RHBDL3: variants seen among roughly 807,000 people sequenced by gnomAD.
RHBDL3 encodes rhomboid-related protein 3.
Under a neutral mutation model 48.2 loss-of-function variants are expected in RHBDL3, and 28 were observed. The ratio of observed to expected loss-of-function variants is 0.58; its 90% confidence interval spans 0.43 to 0.80. The LOEUF (loss-of-function observed/expected upper bound fraction) is 0.80. Among genes scored for constraint, RHBDL3 ranks in the 30% least tolerant of loss-of-function variants. The pLI, the probability that RHBDL3 is intolerant of heterozygous loss-of-function variation, is 0.00. For missense variants in RHBDL3, 464 were observed against 542.7 expected (o/e 0.85, Z 1.44); for synonymous variants, 208 against 232.3 (o/e 0.90, Z 0.95).
chr17:32,273,444 T>A (rs2039823084), intron 2 of RHBDL3, among the ~76,000 whole-genome samples: 1 of 152,208 alleles, frequency 6.6e-6, no homozygotes, highest in Admixed American at 6.5e-5. Context: ...TTCACTTAGT[T>A]GGTGCCTTGA....
At chr17:32,276,795 CCTT>C (rs1567763643) in intron 2 of RHBDL3, among the ~76,000 whole-genome samples, 4 of 101,826 alleles carry the variant, frequency 3.9e-5, no homozygotes, top group African/African-American at 3.0e-4. Context: ...GGCCCTAGCA[CCTT>C]ACTCCGGCCC....
At position 32,305,409 on chromosome 17, in the gene RHBDL3, C is replaced by G. The variant is rs1414539822; in HGVS notation, c.850C>G (p.Leu284Val). The G allele has an allele frequency of 1.1e-5, 18 of 1,613,350 alleles. No homozygotes were observed. Among genetic ancestry groups the G allele is most frequent in the Non-Finnish European group, 1.5e-5 (18 of 1,179,444 alleles). Residue 284 changes from leucine (L) to valine (V), a missense_variant, in exon 7 of 9, where the codon CTC becomes GTC. Physicochemically the swap from Leu to Val is conservative, Grantham distance 32. Coordinates refer to ENST00000269051, the MANE Select transcript of RHBDL3 (RefSeq NM_138328.3). ...VVGSSGGVYA[L>V]VSAHLANIVM... ...GGGCTCTTCTGGAGGGGTGTATGCT[C>G]TCGTCTCTGCCCATCTGGCCAACAT...
intron 6 of RHBDL3, among the ~76,000 whole-genome samples, chr17:32,303,779 G>C (rs1283328024): frequency 6.6e-6 from 1 of 152,130 alleles, no homozygotes; most frequent in Non-Finnish European, 1.5e-5. Context: ...AGGTGGAGGA[G>C]TTTATCAGGG....
chr17:32,320,783 C>T (rs150983934), intron 8 of RHBDL3, among the ~76,000 whole-genome samples, 175 bp from the exon 9 acceptor site: 126 of 152,318 alleles, frequency 8.3e-4, no homozygotes, highest in Admixed American at 2.2e-3. Context: ...ATTGCTAGAC[C>T]CTGTAAGCTC....
intron 4 of RHBDL3, among the ~76,000 whole-genome samples, chr17:32,292,061 T>C (rs1210790175): frequency 6.6e-6 from 1 of 152,074 alleles, no homozygotes; most frequent in Admixed American, 6.5e-5. Flanking sequence ...TGAGCCACTG[T>C]GCCCAGCCCA....
In RHBDL3 at chr17:32,321,146, T is replaced by C; in HGVS notation, c.1132T>C (p.Tyr378His). ...QSLWWIFVAM[Y>H]TVFVLFAVFW... is the part of the protein sequence containing the mutation. ...ACTGTGGTGGATTTTTGTGGCCATGTACACCGTCTTCGTGCTGTTCGCTGT... is the reference window on the plus strand; with the variant it reads ...ACTGTGGTGGATTTTTGTGGCCATGCACACCGTCTTCGTGCTGTTCGCTGT... The change falls in exon 9 of 9, where the codon TAC (tyrosine) becomes CAC (histidine). Residue 378 changes from tyrosine to histidine, a missense_variant. Physicochemically the swap from Tyr to His is moderately conservative, Grantham distance 83. Transcript: ENST00000269051. The C allele has an allele frequency of 6.2e-7, 1 of 1,614,240 alleles. No homozygotes were observed. Among genetic ancestry groups the C allele is most frequent in the Non-Finnish European group, 8.5e-7 (1 of 1,180,026 alleles).
chr17:32,297,652 C>CTTT (rs71362824), intron 5 of RHBDL3, among the ~76,000 whole-genome samples: 10 of 50,938 alleles, frequency 2.0e-4, no homozygotes, highest in Non-Finnish European at 2.3e-4. Flanking sequence ...GTTGCTGGAT[C>CTTT]TTTTTTTTTT....
chr17:32,311,575 C>A (rs1488839080), intron 7 of RHBDL3, among the ~76,000 whole-genome samples: 1 of 152,198 alleles, frequency 6.6e-6, no homozygotes, highest in Admixed American at 6.5e-5. Context: ...CCTCCTGAAT[C>A]CTCAGTTTCT....
Position 32,284,768 on chromosome 17 carries a change from C to G in RHBDL3, c.245C>G (p.Ala82Gly). 1 of 1,614,020 alleles carries G rather than the reference C, an allele frequency of 6.2e-7. No homozygotes were observed. The highest frequency in any genetic ancestry group is 8.5e-7 in the Non-Finnish European group (1 of 1,179,974). The change falls in exon 3 of 9, where the codon GCC becomes GGC. Residue 82 changes from alanine (A) to glycine (G), a missense_variant. Ala to Gly is a moderately conservative substitution (Grantham distance 60, BLOSUM62 0). Coordinates refer to ENST00000269051, the MANE Select transcript of RHBDL3 (RefSeq NM_138328.3). ...PHKREVLLAL[A>G]DSHADGQIGY... is the part of the protein sequence containing the mutation. ...AAAAGGGAGGTCCTCCTGGCTCTTG[C>G]CGACAGCCACGCGGATGGGCAGATC...
chr17:32,290,496 G>A (rs1475372640), intron 4 of RHBDL3, among the ~76,000 whole-genome samples: 7 of 152,236 alleles, frequency 4.6e-5, no homozygotes, highest in Admixed American at 3.9e-4. Context: ...TAACGATCTC[G>A]AAGCCCTGGG....
intron 5 of RHBDL3, among the ~76,000 whole-genome samples, chr17:32,296,775 T>A (rs984673156): frequency 2.1e-5 from 3 of 141,092 alleles, no homozygotes; most frequent in Non-Finnish European, 4.6e-5. Flanking sequence ...CCGTAGCTCT[T>A]TTTTATTTTA....
intron 6 of RHBDL3, among the ~76,000 whole-genome samples, chr17:32,299,962 G>A (rs79250669): frequency 2.6e-5 from 4 of 152,162 alleles, no homozygotes; most frequent in South Asian, 4.1e-4. Context: ...GAGGTGAGCC[G>A]GTTTACAGCC....
At chr17:32,284,863 G>A (rs2040157157) in intron 3 of RHBDL3, 46 bp downstream of exon 3, 2 of 1,539,312 alleles carry the variant, frequency 1.3e-6, no homozygotes, top group African/African-American at 1.4e-5. Context: ...CTGTTTGAGG[G>A]TTATGGCTTC....
chr17:32,277,396 A>G (rs2039939530), intron 2 of RHBDL3, among the ~76,000 whole-genome samples: 1 of 152,180 alleles, frequency 6.6e-6, no homozygotes, highest in Non-Finnish European at 1.5e-5. Context: ...TTGCTGGGCA[A>G]ATTCTGAAGC....
chr17:32,282,623 A>AT (rs1012323142), intron 2 of RHBDL3, among the ~76,000 whole-genome samples: 28 of 150,138 alleles, frequency 1.9e-4, no homozygotes, highest in Non-Finnish European at 2.8e-4. Context: ...TTCTGTGGAG[A>AT]TTTTTTTTTT....
intron 6 of RHBDL3, among the ~76,000 whole-genome samples, chr17:32,301,030 C>A (rs1386156904): frequency 6.6e-6 from 1 of 152,190 alleles, no homozygotes; most frequent in Non-Finnish European, 1.5e-5. Context: ...CAGGTGCCCA[C>A]CACCGCGCCC....
At chr17:32,316,630 C>T (rs1339905911) in intron 8 of RHBDL3, among the ~76,000 whole-genome samples, 1 of 151,786 alleles carries the variant, frequency 6.6e-6, no homozygotes, top group Non-Finnish European at 1.5e-5. Context: ...GTGATCCTCC[C>T]TCTTCAGCCT....
intron 6 of RHBDL3, among the ~76,000 whole-genome samples, chr17:32,303,911 C>G (rs1230235413): frequency 6.6e-6 from 1 of 152,174 alleles, no homozygotes; most frequent in Non-Finnish European, 1.5e-5. Flanking sequence ...TCCCTCCTTT[C>G]TCCAGCAGCT....
chr17:32,292,211 C>T lies in RHBDL3; in HGVS notation c.520-2083C>T, dbSNP rs866477163. On this transcript the variant is annotated intron_variant, in intron 4 of 8. Transcript: ENST00000269051. ...AGATTAAACAAGTATGCTTCAGTCA[C>T]GTTTGCAAAATCAACTTCTGTGGAA... Among the ~76,000 whole-genome samples, 10 of 152,094 alleles carry T rather than the reference C, an allele frequency of 6.6e-5. No homozygotes were observed. In the East Asian group the frequency reaches 1.2e-3, roughly 18 times the overall value.
Sources: allele counts gnomAD v4.1 joint callset (sites outside exome capture counted in the v4.1 genomes callset), GRCh38; gene constraint gnomAD v4.1.1; transcripts MANE v1.5; gene names NCBI Gene and HGNC (gene_info 2026-07-23, HGNC 2026-07-21).